The following KDM1B variants were observed in gnomAD, a reference collection of about 807,000 sequenced individuals.
KDM1B encodes the protein lysine demethylase 1B, also known as lysine-specific histone demethylase 2.
In KDM1B, 63 loss-of-function variants were observed where a neutral mutation model predicts 107.4. The ratio of observed to expected loss-of-function variants is 0.59; its 90% CI spans 0.48 to 0.72. The LOEUF is 0.72. Ranked by LOEUF, KDM1B falls within the 30% of genes least tolerant of loss-of-function variation. The pLI is 0.00. For missense variants in KDM1B, 749 were observed against 1,020.8 expected, an observed-to-expected ratio of 0.73 and a Z score of 3.63; for synonymous variants, 363 against 363.9, an observed-to-expected ratio of 1.00 and a Z score of 0.03.
intron 3 of KDM1B, 138 bp downstream of exon 3, chr6:18,160,120 A>G (rs1582071273): frequency 3.3e-6 from 2 of 604,678 alleles, no homozygotes; most frequent in East Asian, 2.8e-5. Flanking sequence ...CAGTACGGTC[A>G]TAACACAGTG....
At chr6:18,219,784 C>T (rs1196408274) in intron 21 of KDM1B, among the ~76,000 whole-genome samples, 1 of 152,162 alleles carries the variant, frequency 6.6e-6, no homozygotes, top group African/African-American at 2.4e-5. Flanking sequence ...GGCCGGATTC[C>T]CAAACATCAC....
Position 18,191,293 on chromosome 6 carries a change from T to A in KDM1B, c.881T>A (p.Leu294His). ...CCGGATGTGATGGAACTGGATGAGC[T>A]CTATGAGTTTCCAGAGTATTCCCGA... ...VRPDVMELDE[L>H]YEFPEYSRDP... The change falls in exon 10 of 22, where the codon CTC (leucine) becomes CAC (histidine). Residue 294 changes from leucine to histidine, a missense_variant. Transcript: ENST00000650836. This position sits in a 1 kb window ranked among gnomAD's most constrained non-coding sequence, Gnocchi z 5.1. The A allele has an allele frequency of 6.4e-7, 1 of 1,550,890 alleles. No homozygotes were observed. Among genetic ancestry groups the A allele is most frequent in the Non-Finnish European group, 8.7e-7 (1 of 1,147,058 alleles).
chr6:18,191,240 T>A lies in KDM1B; in HGVS notation c.828T>A (p.Asn276Lys). The A allele has an allele frequency of 6.4e-7, 1 of 1,550,624 alleles. No homozygotes were observed. Among genetic ancestry groups the A allele is most frequent in the Non-Finnish European group, 8.7e-7 (1 of 1,147,006 alleles). The change falls in exon 10 of 22, where the codon AAT (asparagine) becomes AAA (lysine). Residue 276 changes from asparagine to lysine, a missense_variant. Coordinates refer to ENST00000650836, the MANE Select transcript of KDM1B (RefSeq NM_001364614.2). The surrounding 1 kb of genome is among the most constrained non-coding windows in gnomAD (Gnocchi z 5.1). ...ACTTCCAGCCTTTCTACCAGCCCAA[T>A]GAGTGTGGCAAAGCCCTCTGTGTGA... ...NRYFQPFYQP[N>K]ECGKALCVRP...
intron 2 of KDM1B, among the ~76,000 whole-genome samples, chr6:18,156,367 T>C (rs748055246): frequency 6.6e-6 from 1 of 152,118 alleles, no homozygotes; most frequent in Non-Finnish European, 1.5e-5. Context: ...AGAAGTCCAG[T>C]CTTCCCTTGG....
chr6:18,214,028 C>A lies in KDM1B; in HGVS notation c.2109+247C>A, dbSNP rs78182468. On this transcript the variant is annotated intron_variant, in intron 19 of 21. Transcript: ENST00000650836. The surrounding 1 kb of genome is among the most constrained non-coding windows in gnomAD (Gnocchi z 4.4). ...TGAATTGGATGCTTGTGGAAACTGT[C>A]ATTTCAGGCTATGGGGGAATTCCTC... 6.9e-3 allele frequency among the ~76,000 whole-genome samples: 1,044 copies of A among 152,274 alleles called. 3 individuals carry two copies. The highest frequency in any genetic ancestry group is 1.0e-2 in the Non-Finnish European group (679 of 68,024).
At chr6:18,184,656 G>A (rs371252134) in intron 7 of KDM1B, among the ~76,000 whole-genome samples, 29 of 149,102 alleles carry the variant, frequency 1.9e-4, no homozygotes, top group African/African-American at 6.4e-4. Flanking sequence ...TTGCTGTGCA[G>A]CATGCCATTG....
At chr6:18,208,565 A>G (rs1344434656) in intron 17 of KDM1B, among the ~76,000 whole-genome samples, 1 of 133,438 alleles carries the variant, frequency 7.5e-6, no homozygotes, top group Non-Finnish European at 1.6e-5. Flanking sequence ...TTTAGGATTA[A>G]ATAGGAGTTG....
At chr6:18,173,157 AC>A (rs2150834210) in intron 7 of KDM1B, among the ~76,000 whole-genome samples, 1 of 152,164 alleles carries the variant, frequency 6.6e-6, no homozygotes, top group East Asian at 1.9e-4. Flanking sequence ...TTGCAAAACT[AC>A]CAAATGTCTT....
In KDM1B at chr6:18,204,375, T is replaced by C. The variant is rs2150988154; in HGVS notation, c.1532-1162T>C. ...GGCGGGCGCCTGTAGTCCCAGCTAC[T>C]TGGGAGGCCGATTGCTGGAGCCCCG... is the stretch of plus-strand genomic sequence containing the variant. On this transcript the variant is annotated intron_variant, in intron 14 of 21. Transcript: ENST00000650836. This position sits in a 1 kb window ranked among gnomAD's most constrained non-coding sequence, Gnocchi z 4.9. Among the ~76,000 whole-genome samples, 1 of 152,106 alleles carries C rather than the reference T, an allele frequency of 6.6e-6. No homozygotes were observed. The highest frequency in any genetic ancestry group is 2.1e-4 in the South Asian group (1 of 4,816).
chr6:18,222,580 G>A lies in KDM1B; in HGVS notation c.*588G>A. 1 of 162,254 alleles carries A rather than the reference G, an allele frequency of 6.2e-6. No individual in the cohort carries two copies. The highest frequency in any genetic ancestry group is 1.3e-5 in the Non-Finnish European group (1 of 74,354). 10.1% of individuals were successfully genotyped at this position (162,254 alleles called of 1,614,324 possible). On this transcript the variant is annotated 3_prime_UTR_variant, in exon 22 of 22. Coordinates refer to ENST00000650836, the MANE Select transcript of KDM1B (RefSeq NM_001364614.2). ...GTATTGTACATATTTCCTCCTACTG[G>A]GTGTTCAAAAGAAATTTAAATTCAA... is the stretch of plus-strand genomic sequence containing the variant.
At position 18,217,794 on chromosome 6, in the gene KDM1B, T is replaced by C. The variant is rs769466346; in HGVS notation, c.2294T>C (p.Met765Thr). 6.2e-7 allele frequency: 1 copy of C among 1,614,036 alleles called. No homozygotes were observed. The highest frequency in any genetic ancestry group is 1.1e-5 in the South Asian group (1 of 91,082). The change falls in exon 21 of 22, where the codon ATG becomes ACG. Residue 765 changes from methionine to threonine, a missense_variant. Transcript: ENST00000650836. ...TRWSTDPWIQ[M>T]AYSFVKTGGS... ...TGGAGCACAGACCCATGGATCCAGA[T>C]GGCATACAGTTTTGTGAAGACAGGT...
chr6:18,216,553 C>T (rs214582), intron 20 of KDM1B, among the ~76,000 whole-genome samples: 41,019 of 152,060 alleles, frequency 0.27, 6,149 homozygotes, highest in African/African-American at 0.38. Context: ...ATTACAGTCG[C>T]TCTCTCTTAC....
rs1308705255 is a variant in KDM1B at position 18,204,760 on chromosome 6, C to T, written c.1532-777C>T. ...ACAGGGAGAAATTCTGGGGGCTTGCCACGGCCCGGTGATGCCCGACTATAA... is the reference window on the plus strand; with the variant it reads ...ACAGGGAGAAATTCTGGGGGCTTGCTACGGCCCGGTGATGCCCGACTATAA... On this transcript the variant is annotated intron_variant, in intron 14 of 21. Coordinates refer to ENST00000650836, the MANE Select transcript of KDM1B (RefSeq NM_001364614.2). This position sits in a 1 kb window ranked among gnomAD's most constrained non-coding sequence, Gnocchi z 4.9. 6.6e-6 allele frequency among the ~76,000 whole-genome samples: 1 copy of T among 152,144 alleles called. No homozygotes were observed. The highest frequency in any genetic ancestry group is 1.5e-5 in the Non-Finnish European group (1 of 68,036).
chr6:18,157,827 T>A lies in KDM1B; in HGVS notation c.-14+1901T>A, dbSNP rs1428748231. ...ATAGTCCTTTTTTTTTTTTTTTTTT[T>A]TTTGAGATGGAGTCTCACTCTGTTG... On this transcript the variant is annotated intron_variant, in intron 2 of 21. Coordinates refer to ENST00000650836, the MANE Select transcript of KDM1B (RefSeq NM_001364614.2). Among the ~76,000 whole-genome samples the A allele has an allele frequency of 2.7e-5, 4 of 146,526 alleles. No individual in the cohort carries two copies. In the East Asian group the frequency reaches 7.9e-4, roughly 29 times the overall value.
rs779724861 is a variant in KDM1B at position 18,185,791 on chromosome 6, G to A, written c.554G>A (p.Cys185Tyr). Residue 185 changes from cysteine (C) to tyrosine (Y), a missense_variant, in exon 8 of 22, where the codon TGT becomes TAT. By Grantham distance (194) the Cys-to-Tyr change is radical (BLOSUM62 -2). Coordinates refer to ENST00000650836, the MANE Select transcript of KDM1B (RefSeq NM_001364614.2). ...TAIKPETSDH[C>Y]SLPEDLRVLE... is the part of the protein sequence containing the mutation. ...TTGTAGCCTGAGACCTCAGATCATT[G>A]TTCCCTCCCAGAGGATCTAGTGAGT... The A allele has an allele frequency of 2.2e-5, 35 of 1,613,898 alleles. No individual in the cohort carries two copies. Among genetic ancestry groups the A allele is most frequent in the Non-Finnish European group, 2.8e-5 (33 of 1,179,936 alleles).
At chr6:18,199,147 G>C (rs1421012992) in intron 12 of KDM1B, among the ~76,000 whole-genome samples, 1 of 151,404 alleles carries the variant, frequency 6.6e-6, no homozygotes, top group Admixed American at 6.6e-5. Context: ...GCAGTGAGCC[G>C]AGATCTAGCC....
At position 18,184,435 on chromosome 6, in the gene KDM1B, C is replaced by T. The variant is rs182271548; in HGVS notation, c.535-1337C>T. ...GATTACAGGTGCGCACCACCATGCCCGGCTAATTTTTGTATTTTTAGTAGA... is the reference window on the plus strand; with the variant it reads ...GATTACAGGTGCGCACCACCATGCCTGGCTAATTTTTGTATTTTTAGTAGA... On this transcript the variant is annotated intron_variant, in intron 7 of 21. Coordinates refer to ENST00000650836, the MANE Select transcript of KDM1B (RefSeq NM_001364614.2). Among the ~76,000 whole-genome samples, 160 of 151,666 alleles carry T rather than the reference C, an allele frequency of 1.1e-3. 1 individual carries two copies. Among genetic ancestry groups the T allele is most frequent in the Admixed American group, 4.6e-4 (7 of 15,202 alleles).
At position 18,197,280 on chromosome 6, in the gene KDM1B, A is replaced by C. The variant is rs964361212; in HGVS notation, c.1146+47A>C. ...GATAGCCTTGCCATTGATCAGGACAAACGCTAGTCTGTTGCTGTTAATAAA... is the reference window on the plus strand; with the variant it reads ...GATAGCCTTGCCATTGATCAGGACACACGCTAGTCTGTTGCTGTTAATAAA... On this transcript the variant is annotated intron_variant, in intron 11 of 21. Transcript: ENST00000650836. This position sits in a 1 kb window ranked among gnomAD's most constrained non-coding sequence, Gnocchi z 4.5. The C allele has an allele frequency of 3.3e-6, 5 of 1,517,876 alleles. No individual in the cohort carries two copies. The highest frequency in any genetic ancestry group is 4.5e-6 in the Non-Finnish European group (5 of 1,105,962). The allele number at this position is 1,517,876 out of a possible 1,614,324, so 94.0% of individuals were successfully genotyped here. A position where few individuals can be genotyped will look rare whatever the true frequency, so the allele number is the denominator to read the frequency against.
chr6:18,189,030 C>G (rs1311171841), intron 9 of KDM1B, among the ~76,000 whole-genome samples: 1 of 152,006 alleles, frequency 6.6e-6, no homozygotes, highest in Non-Finnish European at 1.5e-5. Context: ...GTGATCCGCC[C>G]CCTTCAGCCT....
Sources: allele counts gnomAD v4.1 joint callset (sites outside exome capture counted in the v4.1 genomes callset), GRCh38; gene constraint gnomAD v4.1.1; non-coding constraint Gnocchi (gnomAD v3.1); transcripts MANE v1.5; gene names NCBI Gene and HGNC (gene_info 2026-07-23, HGNC 2026-07-21).